Variants in PKHD1 observed in about 807,000 individuals in gnomAD.
PKHD1 encodes PKHD1 ciliary IPT domain containing fibrocystin/polyductin.
In PKHD1, 291 loss-of-function variants were observed where a neutral mutation model predicts 412.0. That is an observed-to-expected ratio of 0.71 (90% CI 0.64 to 0.78). The LOEUF (loss-of-function observed/expected upper bound fraction) is 0.78, where lower values mean the gene tolerates loss of function less well. Among genes scored for constraint, PKHD1 ranks in the 30% least tolerant of loss-of-function variants. The pLI is 0.00. For synonymous variants in PKHD1, 1,777 were observed against 1,821.5 expected (o/e 0.98, Z 0.62); for missense variants, 4,825 against 4,950.7 (o/e 0.97, Z 0.76).
At chr6:51,678,035 C>T (rs746878709) in intron 60 of PKHD1, among the ~76,000 whole-genome samples, 2 of 152,032 alleles carry the variant, frequency 1.3e-5, no homozygotes, top group South Asian at 2.1e-4. Flanking sequence ...TATGTTTTCA[C>T]CTGAAAACAT....
rs1234347196 is a variant in PKHD1, at chr6:51,619,075, C to G, written c.*6G>C. ...CTTTCAGGCCAAATGCCCCCAACTT[C>G]CCTGATCACAGTTGCTCCTGAATAG... On this transcript the variant is annotated 3_prime_UTR_variant, in exon 67 of 67. Coordinates refer to ENST00000371117, the MANE Select transcript of PKHD1 (RefSeq NM_138694.4). 3 of 1,613,728 alleles carry G rather than the reference C, an allele frequency of 1.9e-6. No homozygotes were observed. The highest frequency in any genetic ancestry group is 2.5e-6 in the Non-Finnish European group (3 of 1,179,754).
At chr6:51,997,600 A>G (rs1322961342) in intron 35 of PKHD1, among the ~76,000 whole-genome samples, 1 of 152,254 alleles carries the variant, frequency 6.6e-6, no homozygotes, top group East Asian at 1.9e-4. Flanking sequence ...AAGGAAATAA[A>G]TAGAGACTTA....
At chr6:51,880,777 A>AT (rs1777136484) in intron 46 of PKHD1, among the ~76,000 whole-genome samples, 2 of 32,976 alleles carry the variant, frequency 6.1e-5, no homozygotes, top group African/African-American at 3.1e-4. Context: ...AAAAAAAAAA[A>AT]TTAAAAAAAA....
intron 57 of PKHD1, among the ~76,000 whole-genome samples, chr6:51,749,149 G>A (rs1044817574): frequency 6.6e-6 from 1 of 152,158 alleles, no homozygotes. Context: ...GAGTATGAGT[G>A]CGAAATTTCC....
chr6:52,007,718 T>G (rs954774761), intron 35 of PKHD1, among the ~76,000 whole-genome samples: 3 of 152,176 alleles, frequency 2.0e-5, no homozygotes, highest in Non-Finnish European at 4.4e-5. Context: ...TATATCCAGT[T>G]CCTAAATCAA....
At chr6:51,961,179 A>G (rs1277429392) in intron 35 of PKHD1, among the ~76,000 whole-genome samples, 3 of 151,932 alleles carry the variant, frequency 2.0e-5, no homozygotes, top group Admixed American at 1.3e-4. Flanking sequence ...CATGTTTGTA[A>G]TACCGACAAC....
rs767535627 is a variant in PKHD1 at position 52,053,207 on chromosome 6, C to G, written c.2009G>C (p.Cys670Ser). ...CTDLWETCVR[C>S]FGDLQPPPAN... ...CGGAGGGGGCTGGAGATCCCCGAAG[C>G]AACGCACACAAGTCTCCCAGAGGTC... Residue 670 changes from cysteine to serine, a missense_variant, in exon 21 of 67, where the codon TGC (cysteine) becomes TCC (serine). Transcript: ENST00000371117. 6.2e-7 allele frequency: 1 copy of G among 1,614,176 alleles called. No homozygotes were observed. Among genetic ancestry groups the G allele is most frequent in the South Asian group, 1.1e-5 (1 of 91,082 alleles).
At chr6:51,923,201 A>G (rs1050383782) in intron 37 of PKHD1, among the ~76,000 whole-genome samples, 2 of 152,184 alleles carry the variant, frequency 1.3e-5, no homozygotes, top group Admixed American at 6.5e-5. Flanking sequence ...TTGGCTATTC[A>G]TTTGAAAAAA....
At chr6:51,809,141 A>G (rs1326588) in intron 52 of PKHD1, among the ~76,000 whole-genome samples, 86,143 of 151,942 alleles carry the variant, frequency 0.57, 24,797 homozygotes, top group East Asian at 0.78. Context: ...ACACACTTTA[A>G]AAACACAGAA....
chr6:51,959,765 G>T, intron 36 of PKHD1, 105 bp downstream of exon 36: 1 of 1,045,586 alleles, frequency 9.6e-7, no homozygotes, highest in Non-Finnish European at 1.5e-6. Flanking sequence ...AGGATAAATT[G>T]TCAACTAAGT....
At chr6:52,053,549 T>G (rs920043050) in intron 20 of PKHD1, among the ~76,000 whole-genome samples, 2 of 152,246 alleles carry the variant, frequency 1.3e-5, no homozygotes, top group African/African-American at 2.4e-5. Flanking sequence ...TTAAGCAAAT[T>G]ATAATGTGAG....
intron 66 of PKHD1, among the ~76,000 whole-genome samples, chr6:51,623,385 A>T (rs1766862386): frequency 6.6e-6 from 1 of 151,972 alleles, no homozygotes; most frequent in African/African-American, 2.4e-5. Context: ...TCTATTGTAC[A>T]TTTCTTTATT....
intron 36 of PKHD1, among the ~76,000 whole-genome samples, chr6:51,941,871 C>T (rs1168671306): frequency 2.0e-5 from 3 of 151,394 alleles, no homozygotes; most frequent in African/African-American, 7.3e-5. Flanking sequence ...GCTGTACTGC[C>T]GCAAGCCTTC....
At chr6:51,946,774 A>T in intron 36 of PKHD1, among the ~76,000 whole-genome samples, 1 of 152,206 alleles carries the variant, frequency 6.6e-6, no homozygotes, top group African/African-American at 2.4e-5. Context: ...ACAACTTTTT[A>T]TATGTAATCA....
At chr6:51,910,821 T>G (rs1270884245) in intron 39 of PKHD1, among the ~76,000 whole-genome samples, 1 of 152,136 alleles carries the variant, frequency 6.6e-6, no homozygotes, top group Non-Finnish European at 1.5e-5. Flanking sequence ...AGTAGATGAT[T>G]TGTAGGGAGG....
Position 52,065,000 on chromosome 6 carries a change from T to C in PKHD1, c.931A>G (p.Thr311Ala), listed in dbSNP as rs890884615. 7 of 1,602,536 alleles carry C rather than the reference T, an allele frequency of 4.4e-6. No homozygotes were observed. The highest frequency in any genetic ancestry group is 1.7e-5 in the Admixed American group (1 of 59,308). ...HVSPRKIECT[T>A]RAPGKDVRLT... ...CTCACATCTTTTCCTGGAGCCCGAG[T>C]GGTGCACTCAATCTTCCTGGGAGAC... The change falls in exon 13 of 67, where the codon ACT becomes GCT. Residue 311 changes from threonine to alanine, a missense_variant. Thr to Ala is a moderately conservative substitution (Grantham distance 58). Transcript: ENST00000371117.
intron 60 of PKHD1, among the ~76,000 whole-genome samples, chr6:51,668,053 T>A (rs913522083): frequency 1.6e-4 from 25 of 152,118 alleles, no homozygotes; most frequent in Non-Finnish European, 2.5e-4. Context: ...CCATATGAAC[T>A]TTAAAGTAGT....
intron 52 of PKHD1, among the ~76,000 whole-genome samples, chr6:51,805,369 C>G (rs1038536671): frequency 6.6e-6 from 1 of 151,950 alleles, no homozygotes; most frequent in Non-Finnish European, 1.5e-5. Context: ...ACACTAGAGA[C>G]TGCTAGAGAC....
chr6:51,965,350 CTT>C (rs1792652802), intron 35 of PKHD1, among the ~76,000 whole-genome samples: 1 of 152,058 alleles, frequency 6.6e-6, no homozygotes, highest in African/African-American at 2.4e-5. Flanking sequence ...ATCGTTTTCT[CTT>C]TTTAATCTGG....
Sources: allele counts gnomAD v4.1 joint callset (sites outside exome capture counted in the v4.1 genomes callset), GRCh38; gene constraint gnomAD v4.1.1; transcripts MANE v1.5; gene names NCBI Gene and HGNC (gene_info 2026-07-23, HGNC 2026-07-21).